Variants in CCDC102B observed in about 807,000 individuals in gnomAD.
The protein encoded by CCDC102B is coiled-coil domain containing 102B, also known as coiled-coil domain-containing protein 102B.
In CCDC102B, 75 loss-of-function variants were observed where a neutral mutation model predicts 57.4. That is an observed-to-expected ratio of 1.31 (90% CI 1.08 to 1.58). The LOEUF (loss-of-function observed/expected upper bound fraction) is 1.58, where lower values mean the gene tolerates loss of function less well. CCDC102B is among the 40% of genes most tolerant of loss of function. The probability of loss-of-function intolerance (pLI) is 0.00; values close to 1 mark genes in which losing one functional copy is unlikely to be tolerated. For synonymous variants in CCDC102B, 206 were observed against 201.9 expected (o/e 1.02, Z -0.17); for missense variants, 636 against 582.6 (o/e 1.09, Z -0.94).
chr18:68,978,905 A>G (rs2050506002), intron 6 of CCDC102B, among the ~76,000 whole-genome samples: 2 of 152,104 alleles, frequency 1.3e-5, no homozygotes, highest in Admixed American at 6.6e-5. Flanking sequence ...GAGAAATGAT[A>G]GAACAAAACA....
rs138018519 is a variant in CCDC102B, at chr18:68,757,851, T to G, written c.-67+41257T>G. On this transcript the variant is annotated intron_variant, in intron 2 of 3. Coordinates refer to the CCDC102B transcript ENST00000578970. ...TACCTCTGTCCCCAAAGTCAGTGCA[T>G]GAGCAAATCACATGTGCCTGGCCAA... Among the ~76,000 whole-genome samples, 431 of 152,308 alleles carry G rather than the reference T, an allele frequency of 2.8e-3. 4 individuals carry two copies. The highest frequency in any genetic ancestry group is 9.3e-3 in the African/African-American group (388 of 41,568).
chr18:68,930,181 A>ATG (rs1172448355), intron 6 of CCDC102B, among the ~76,000 whole-genome samples: 1 of 149,828 alleles, frequency 6.7e-6, no homozygotes, highest in African/African-American at 2.4e-5. Flanking sequence ...AGTATTCAAG[A>ATG]TGTATATATA....
intron 2 of CCDC102B, among the ~76,000 whole-genome samples, chr18:68,764,894 A>T (rs890166829): frequency 6.6e-6 from 1 of 151,550 alleles, no homozygotes; most frequent in African/African-American, 2.4e-5. Flanking sequence ...TGATAAAAAA[A>T]AAAATAGCTG....
rs898221841 is a variant in CCDC102B at position 68,911,788 on chromosome 18, A to T, written c.1263+14360A>T. Among the ~76,000 whole-genome samples, 19 of 148,584 alleles carry T rather than the reference A, an allele frequency of 1.3e-4. 1 individual carries two copies. Among genetic ancestry groups the T allele is most frequent in the African/African-American group, 4.7e-4 (19 of 40,710 alleles). On this transcript the variant is annotated intron_variant, in intron 6 of 7. Coordinates refer to ENST00000360242, the MANE Select transcript of CCDC102B (RefSeq NM_024781.3). ...AAAAAAAAAAAAAGATCAGAAAAAA[A>T]TACCTAATAGGTACTAGGCTTAATA...
intron 6 of CCDC102B, among the ~76,000 whole-genome samples, chr18:68,987,191 C>T (rs2050746196): frequency 6.6e-6 from 1 of 152,124 alleles, no homozygotes; most frequent in African/African-American, 2.4e-5. Context: ...CTACAGTAAC[C>T]AAAGCAGCAT....
At chr18:68,885,172 A>G (rs919526337) in intron 5 of CCDC102B, among the ~76,000 whole-genome samples, 1 of 152,062 alleles carries the variant, frequency 6.6e-6, no homozygotes, top group Non-Finnish European at 1.5e-5. Context: ...ACATGATAAC[A>G]CAAATGAAAA....
intron 2 of CCDC102B, among the ~76,000 whole-genome samples, chr18:68,758,713 T>C (rs1215975270): frequency 6.6e-6 from 1 of 151,866 alleles, no homozygotes; most frequent in East Asian, 1.9e-4. Context: ...CTTTTTTTTT[T>C]TTGAGAAATA....
At chr18:68,914,995 G>GAC (rs1468140272) in intron 6 of CCDC102B, among the ~76,000 whole-genome samples, 1 of 146,764 alleles carries the variant, frequency 6.8e-6, no homozygotes, top group Non-Finnish European at 1.5e-5. Flanking sequence ...GAGAGAGAGA[G>GAC]ACAGACAGAA....
chr18:69,000,628 C>T (rs1288402040), intron 6 of CCDC102B, among the ~76,000 whole-genome samples: 6 of 151,994 alleles, frequency 3.9e-5, no homozygotes, highest in Non-Finnish European at 8.8e-5. Flanking sequence ...CCTCTCATTT[C>T]TGTTTGTGAT....
chr18:68,753,873 T>C (rs1238586383), intron 2 of CCDC102B: 1 of 152,188 alleles, frequency 6.6e-6, no homozygotes, highest in Non-Finnish European at 1.5e-5. Flanking sequence ...GTATTATCTT[T>C]TTATGTGATT....
intron 6 of CCDC102B, among the ~76,000 whole-genome samples, chr18:68,927,801 G>A (rs916018430): frequency 1.3e-5 from 2 of 151,892 alleles, no homozygotes. Flanking sequence ...GGGAGAGAAA[G>A]GAGGGAGAGC....
rs776171990 is a variant in CCDC102B, at chr18:69,049,832, C to T, written c.1435-4198C>T. 6.7e-4 allele frequency among the ~76,000 whole-genome samples: 100 copies of T among 149,832 alleles called. 2 individuals are homozygous for T. Among genetic ancestry groups the T allele is most frequent in the South Asian group, 4.2e-4 (2 of 4,788 alleles). ...TTTCATTGCATTTTTTTTTTTGAGA[C>T]GGAGTCTCACTATGTTGCCCAGGCT... On this transcript the variant is annotated intron_variant, in intron 7 of 7. Coordinates refer to ENST00000360242, the MANE Select transcript of CCDC102B (RefSeq NM_024781.3).
At chr18:68,881,793 CTCTG>C (rs1399698665) in intron 5 of CCDC102B, among the ~76,000 whole-genome samples, 20 of 152,072 alleles carry the variant, frequency 1.3e-4, no homozygotes, top group African/African-American at 4.8e-4. Context: ...CTCCCATTCT[CTCTG>C]TCTCTCTCTG....
chr18:68,840,592 T>TAC (rs1243116167), intron 3 of CCDC102B, among the ~76,000 whole-genome samples: 1 of 152,220 alleles, frequency 6.6e-6, no homozygotes, highest in Non-Finnish European at 1.5e-5. Flanking sequence ...TTTAGGCTCG[T>TAC]ACACATAGTG....
At chr18:69,035,571 A>T (rs2145455527) in intron 7 of CCDC102B, among the ~76,000 whole-genome samples, 1 of 152,270 alleles carries the variant, frequency 6.6e-6, no homozygotes, top group Admixed American at 6.5e-5. Flanking sequence ...ATGTAGAATC[A>T]TGTAACAAAT....
chr18:68,930,634 T>G lies in CCDC102B; in HGVS notation c.1263+33206T>G, dbSNP rs1023905839. Reference sequence around the variant, plus strand: ...CTCTGTTGGGGAATAACTACTATACTCTTCACAAAGCCAGCATGTGGTCTA... The same window carrying G: ...CTCTGTTGGGGAATAACTACTATACGCTTCACAAAGCCAGCATGTGGTCTA... On this transcript the variant is annotated intron_variant, in intron 6 of 7. Coordinates refer to ENST00000360242, the MANE Select transcript of CCDC102B (RefSeq NM_024781.3). Among the ~76,000 whole-genome samples the G allele has an allele frequency of 3.3e-5, 5 of 151,898 alleles. No individual in the cohort carries two copies. The East Asian group carries it at 9.7e-4, about 29-fold the overall frequency.
intron 7 of CCDC102B, among the ~76,000 whole-genome samples, chr18:69,037,418 G>A (rs902162717): frequency 6.6e-6 from 1 of 152,024 alleles, no homozygotes; most frequent in African/African-American, 2.4e-5. Context: ...GACAACAAGA[G>A]GTAGAATAAA....
intron 6 of CCDC102B, among the ~76,000 whole-genome samples, chr18:68,971,691 GCTT>G (rs1327150927): frequency 6.6e-6 from 1 of 152,092 alleles, no homozygotes; most frequent in African/African-American, 2.4e-5. Context: ...CAAACGATGT[GCTT>G]CTTCTACCTT....
chr18:68,975,160 C>T, intron 6 of CCDC102B, among the ~76,000 whole-genome samples: 1 of 151,950 alleles, frequency 6.6e-6, no homozygotes, highest in East Asian at 1.9e-4. Flanking sequence ...ACCTGAGGCA[C>T]CAATGCCAGC....
Sources: allele counts gnomAD v4.1 joint callset (sites outside exome capture counted in the v4.1 genomes callset), GRCh38; gene constraint gnomAD v4.1.1; transcripts MANE v1.5; gene names NCBI Gene and HGNC (gene_info 2026-07-23, HGNC 2026-07-21).